KHDRBS2: variants seen among roughly 807,000 people sequenced by gnomAD.
KHDRBS2 encodes the protein KH domain-containing, RNA-binding, signal transduction-associated protein 2.
Under a neutral mutation model 44.3 loss-of-function variants are expected in KHDRBS2, and 26 were observed. The ratio of observed to expected loss-of-function variants is 0.59; its 90% CI spans 0.43 to 0.81. The LOEUF (loss-of-function observed/expected upper bound fraction) is 0.81, where lower values mean the gene tolerates loss of function less well. KHDRBS2 is among the 40% of genes least tolerant of loss of function. The pLI, the probability that KHDRBS2 is intolerant of heterozygous loss-of-function variation, is 0.00. For missense variants in KHDRBS2, 476 were observed against 433.1 expected, an observed-to-expected ratio of 1.10 and a Z score of -0.88; for synonymous variants, 194 against 151.1, an observed-to-expected ratio of 1.28 and a Z score of -2.08.
At chr6:61,611,011 G>T in the KHDRBS2 span, among the ~76,000 whole-genome samples, 1 of 152,156 alleles carries the variant, frequency 6.6e-6, no homozygotes, top group Admixed American at 6.5e-5. Flanking sequence ...GAATTGGCTG[G>T]CTATGTATTC....
At chr6:61,748,443 T>C (rs1381415852) in intron 6 of KHDRBS2, among the ~76,000 whole-genome samples, 1 of 152,214 alleles carries the variant, frequency 6.6e-6, no homozygotes, top group Non-Finnish European at 1.5e-5. Context: ...GCCCACCATG[T>C]GAGCAGGAAG....
chr6:61,887,966 T>TA (rs907868586), intron 6 of KHDRBS2, among the ~76,000 whole-genome samples: 28 of 152,288 alleles, frequency 1.8e-4, no homozygotes, highest in African/African-American at 6.7e-4. Flanking sequence ...AAATTGTTTT[T>TA]AGAAACAAAA....
intron 2 of KHDRBS2, among the ~76,000 whole-genome samples, chr6:62,081,169 C>A (rs1345559771): frequency 2.0e-5 from 3 of 151,912 alleles, no homozygotes; most frequent in Non-Finnish European, 2.9e-5. Context: ...AATTAAGATA[C>A]CTTAAAAAGG....
At chr6:61,604,525 A>C in the KHDRBS2 span, among the ~76,000 whole-genome samples, 1 of 152,092 alleles carries the variant, frequency 6.6e-6, no homozygotes, top group East Asian at 1.9e-4. Flanking sequence ...TTCTGTTGTC[A>C]TTTCATAACC....
At chr6:61,820,112 T>C (rs1199253042) in intron 6 of KHDRBS2, among the ~76,000 whole-genome samples, 1 of 152,068 alleles carries the variant, frequency 6.6e-6, no homozygotes, top group Non-Finnish European at 1.5e-5. Flanking sequence ...AAGCCACTTG[T>C]CTGAGCCAGA....
the KHDRBS2 span, among the ~76,000 whole-genome samples, chr6:61,595,439 C>T: frequency 6.6e-6 from 1 of 152,116 alleles, no homozygotes; most frequent in Admixed American, 6.6e-5. Context: ...AAGTAGAAAT[C>T]TATGTCATTT....
chr6:61,961,669 G>A lies in KHDRBS2; in HGVS notation c.483+16397C>T, dbSNP rs1157094910. 6.6e-5 allele frequency among the ~76,000 whole-genome samples: 10 copies of A among 152,222 alleles called. 1 individual carries two copies. In the East Asian group the frequency reaches 1.9e-3, roughly 29 times the overall value. The stretch of plus-strand genomic sequence containing the variant: ...CTGAGGGTTCGCTCAAAGACCCTAA[G>A]GAGAGAGCAAGCCTGACTTGCGCAT... On this transcript the variant is annotated intron_variant, in intron 4 of 8. Transcript: ENST00000281156.
At chr6:62,079,136 C>T (rs941760184) in intron 2 of KHDRBS2, among the ~76,000 whole-genome samples, 3 of 151,918 alleles carry the variant, frequency 2.0e-5, no homozygotes, top group African/African-American at 7.2e-5. Flanking sequence ...TAACTGTCTG[C>T]CCACTGTGAA....
chr6:61,545,404 G>T, the KHDRBS2 span, among the ~76,000 whole-genome samples: 1 of 151,946 alleles, frequency 6.6e-6, no homozygotes, highest in Non-Finnish European at 1.5e-5. Context: ...TGGATCCTCT[G>T]CTTCAACATG....
chr6:61,782,541 T>C (rs999468345), intron 6 of KHDRBS2, among the ~76,000 whole-genome samples: 19 of 151,738 alleles, frequency 1.3e-4, no homozygotes, highest in African/African-American at 4.6e-4. Flanking sequence ...CTTTCTTCTA[T>C]TCAAAAGATT....
At chr6:61,856,697 G>A (rs1241655693) in intron 6 of KHDRBS2, among the ~76,000 whole-genome samples, 3 of 151,970 alleles carry the variant, frequency 2.0e-5, no homozygotes, top group Non-Finnish European at 4.4e-5. Context: ...GAGTTGGTAT[G>A]TTGTTTTGTA....
At chr6:61,806,349 AG>A (rs2127591237) in intron 6 of KHDRBS2, among the ~76,000 whole-genome samples, 1 of 152,292 alleles carries the variant, frequency 6.6e-6, no homozygotes, top group East Asian at 1.9e-4. Flanking sequence ...AGCAGCCCAT[AG>A]GAAAGGGCTA....
rs751882493 is a variant in KHDRBS2, at chr6:62,177,233, G to A, written c.171C>T (p.Asn57=). ...TCAGTACTCTTTCTGAGAGCTTTAT[G>A]TTTTTGTTGCTGATGACATCAAGAT... ...KKYLDVISNK[N]IKLSERVLIP... is the part of the protein sequence containing the mutation. The change falls in exon 2 of 9, where the codon AAC becomes AAT. Residue 57 remains asparagine (N), a synonymous_variant. Transcript: ENST00000281156. The A allele has an allele frequency of 7.5e-6, 12 of 1,596,338 alleles. No homozygotes were observed. In the Admixed American group the frequency reaches 8.4e-5, roughly 11 times the overall value.
the KHDRBS2 span, among the ~76,000 whole-genome samples, chr6:61,639,274 C>G: frequency 6.6e-6 from 1 of 152,054 alleles, no homozygotes; most frequent in Admixed American, 6.6e-5. Flanking sequence ...AATATCCTGC[C>G]AAAGCTGTCC....
rs577144794 is a variant in KHDRBS2 at position 61,780,036 on chromosome 6, G to A, written c.811-47272C>T. ...TCTTATAAAAACAGACATGTGAGAA[G>A]TATTTTGAAGTACACGGTGTACCCT... On this transcript the variant is annotated intron_variant, in intron 6 of 8. Coordinates refer to ENST00000281156, the MANE Select transcript of KHDRBS2 (RefSeq NM_152688.4). 2.6e-5 allele frequency among the ~76,000 whole-genome samples: 4 copies of A among 152,232 alleles called. No individual in the cohort carries two copies. The South Asian group carries it at 8.3e-4, about 32-fold the overall frequency.
chr6:62,119,827 G>A (rs1473914501), intron 2 of KHDRBS2, among the ~76,000 whole-genome samples: 1 of 152,158 alleles, frequency 6.6e-6, no homozygotes, highest in African/African-American at 2.4e-5. Flanking sequence ...GCAGTTGCCA[G>A]GCAAGATAAT....
Position 61,697,214 on chromosome 6 carries a change from C to T in KHDRBS2, c.933G>A (p.Glu311=), listed in dbSNP as rs1768001958. 2 of 1,609,552 alleles carry T rather than the reference C, an allele frequency of 1.2e-6. No homozygotes were observed. The highest frequency in any genetic ancestry group is 2.7e-5 in the African/African-American group (2 of 74,810). ...TCTTACCGTAGCTGTCATAGGCATC[C>T]TCACTTACTCCATGACCGTAGTCAT... ...EYYDYGHGVS[E]DAYDSYAPEE... The change falls in exon 8 of 9, where the codon GAG becomes GAA. Residue 311 remains glutamate (E), a synonymous_variant. Transcript: ENST00000281156.
At position 61,945,101 on chromosome 6, in the gene KHDRBS2, AAAAAAAAAAAAGTATAT is replaced by A. The variant is rs1391224608; in HGVS notation, c.483+32948_483+32964del. On this transcript the variant is annotated intron_variant, in intron 4 of 8. Coordinates refer to ENST00000281156, the MANE Select transcript of KHDRBS2 (RefSeq NM_152688.4). ...GTGAGACTCTGTCTTAAAAAAAAAAAAAAAAAAAAAAGTATATATATATATATATATATATATATATA... is the reference window on the plus strand; with the variant it reads ...GTGAGACTCTGTCTTAAAAAAAAAAAATATATATATATATATATATATATA... 3.7e-4 allele frequency among the ~76,000 whole-genome samples: 21 copies of A among 56,264 alleles called. 3 individuals carry two copies. Among genetic ancestry groups the A allele is most frequent in the African/African-American group, 1.3e-3 (21 of 15,588 alleles). 36.9% of individuals were successfully genotyped at this position (56,264 alleles called of 152,430 possible).
At chr6:62,029,178 T>C (rs1284893312) in intron 3 of KHDRBS2, among the ~76,000 whole-genome samples, 1 of 152,020 alleles carries the variant, frequency 6.6e-6, no homozygotes, top group Non-Finnish European at 1.5e-5. Context: ...TAATTTTTAA[T>C]AGCATATACT....
Sources: gnomAD v4.1 joint callset for allele counts (sites outside exome capture counted in the v4.1 genomes callset) on GRCh38, gnomAD v4.1.1 for gene constraint, MANE v1.5 for transcripts, NCBI Gene and HGNC (gene_info 2026-07-23, HGNC 2026-07-21) for gene names.